The following RCHY1 variants were observed in gnomAD, a reference collection of about 807,000 sequenced individuals.
The protein encoded by RCHY1 is ring finger and CHY zinc finger domain containing 1.
RCHY1 carries 21 observed loss-of-function variants against 41.6 expected under a neutral mutation model. That is an observed-to-expected ratio of 0.51 (90% CI 0.36 to 0.73). The LOEUF (loss-of-function observed/expected upper bound fraction) is 0.73. Ranked by LOEUF, RCHY1 falls within the 30% of genes least tolerant of loss-of-function variation. RCHY1 has a pLI of 0.00. For missense variants in RCHY1, 265 were observed against 325.3 expected, an observed-to-expected ratio of 0.81 and a Z score of 1.43; for synonymous variants, 79 against 102.9, an observed-to-expected ratio of 0.77 and a Z score of 1.41.
intron 3 of RCHY1, 103 bp from the exon 4 acceptor site, chr4:75,494,282 C>T: frequency 1.3e-6 from 1 of 767,428 alleles, no homozygotes; most frequent in Non-Finnish European, 2.1e-6. Context: ...AAAAAATTTC[C>T]AGCCACAATG....
Position 75,479,925 on chromosome 4 carries a change from T to C in RCHY1, c.*2613A>G, listed in dbSNP as rs907226908. 6.6e-6 allele frequency: 1 copy of C among 152,120 alleles called. No homozygotes were observed. Among genetic ancestry groups the C allele is most frequent in the Non-Finnish European group, 1.5e-5 (1 of 68,008 alleles). The allele number at this position is 152,120 out of a possible 1,614,324, so 9.4% of individuals were successfully genotyped here. On this transcript the variant is annotated 3_prime_UTR_variant, in exon 9 of 9. Transcript: ENST00000324439. ...CAGTAGTTCTCTCTGAAAGAAGGGA[T>C]TGTTGAGAGTTTTTTACCTTCTTTC...
rs185674601 is a variant in RCHY1, at chr4:75,495,816, A to T, written c.327-1637T>A. Among the ~76,000 whole-genome samples, 24 of 152,162 alleles carry T rather than the reference A, an allele frequency of 1.6e-4. No individual in the cohort carries two copies. The East Asian group carries it at 4.4e-3, about 28-fold the overall frequency. On this transcript the variant is annotated intron_variant, in intron 3 of 8. Coordinates refer to ENST00000324439, the MANE Select transcript of RCHY1 (RefSeq NM_015436.4). ...GAGTCAATTTTTGGTTTCCGAATGG[A>T]TAATCAATTATCTTAATACTACCCT...
intron 3 of RCHY1, among the ~76,000 whole-genome samples, chr4:75,494,635 G>T (rs1723021238): frequency 6.6e-6 from 1 of 151,676 alleles, no homozygotes; most frequent in Admixed American, 6.6e-5. Flanking sequence ...ATGATCTTTA[G>T]TTGCTACAAT....
intron 3 of RCHY1, among the ~76,000 whole-genome samples, chr4:75,503,617 A>G (rs1395483215): frequency 1.3e-5 from 2 of 151,964 alleles, no homozygotes; most frequent in African/African-American, 2.4e-5. Context: ...GCTTGAACCC[A>G]GGAGGCAGAG....
chr4:75,505,983 T>G (rs1724259210), intron 3 of RCHY1, among the ~76,000 whole-genome samples: 1 of 151,760 alleles, frequency 6.6e-6, no homozygotes, highest in African/African-American at 2.4e-5. Context: ...ACTCCTATGC[T>G]AGGGGGCCAA....
intron 3 of RCHY1, among the ~76,000 whole-genome samples, chr4:75,505,988 G>A (rs1187984443): frequency 6.6e-6 from 1 of 151,778 alleles, no homozygotes; most frequent in African/African-American, 2.4e-5. Flanking sequence ...TATGCTAGGG[G>A]GCCAAAATTT....
intron 8 of RCHY1, among the ~76,000 whole-genome samples, chr4:75,487,810 T>C (rs1312127221): frequency 1.0e-5 from 1 of 97,690 alleles, no homozygotes; most frequent in Non-Finnish European, 1.9e-5. Flanking sequence ...TATATATTCA[T>C]AATATATATT....
chr4:75,514,395 C>A lies in RCHY1; in HGVS notation c.-109G>T, dbSNP rs918328418. ...CCCTCCCAGCCCCAGCGGCCACTAGCGACAATATGGCTCCTAAGCACGTGA... is the reference window on the plus strand; with the variant it reads ...CCCTCCCAGCCCCAGCGGCCACTAGAGACAATATGGCTCCTAAGCACGTGA... On this transcript the variant is annotated 5_prime_UTR_variant, in exon 1 of 9. Transcript: ENST00000324439. The A allele has an allele frequency of 7.1e-6, 9 of 1,276,250 alleles. No individual in the cohort carries two copies. The highest frequency in any genetic ancestry group is 8.5e-6 in the Non-Finnish European group (8 of 935,764). The allele number at this position is 1,276,250 out of a possible 1,614,324, so 79.1% of individuals were successfully genotyped here.
rs960511082 is a variant in RCHY1, at chr4:75,481,063, T to G, written c.*1475A>C. The G allele has an allele frequency of 2.0e-5, 3 of 152,254 alleles. No individual in the cohort carries two copies. The highest frequency in any genetic ancestry group is 2.9e-5 in the Non-Finnish European group (2 of 68,072). The allele number at this position is 152,254 out of a possible 1,614,324, so 9.4% of individuals were successfully genotyped here. A position where few individuals can be genotyped will look rare whatever the true frequency, so the allele number is the denominator to read the frequency against. On this transcript the variant is annotated 3_prime_UTR_variant, in exon 9 of 9. Transcript: ENST00000324439. ...AATTGGTAATACCCAGGAACATCCT[T>G]TCCCAAATGAAGATCAGCACTGCTG...
intron 7 of RCHY1, 96 bp downstream of exon 7, chr4:75,491,515 A>G (rs1384223241): frequency 5.5e-6 from 6 of 1,100,418 alleles, no homozygotes; most frequent in Non-Finnish European, 8.1e-6. Flanking sequence ...GCCATGCCCA[A>G]TATAGTATAA....
intron 3 of RCHY1, among the ~76,000 whole-genome samples, chr4:75,497,042 T>C (rs1723272516): frequency 6.6e-6 from 1 of 152,090 alleles, no homozygotes; most frequent in African/African-American, 2.4e-5. Flanking sequence ...AAAACTACAA[T>C]GTCTGAGATT....
chr4:75,507,566 G>A (rs1050769813), intron 3 of RCHY1, among the ~76,000 whole-genome samples: 25 of 151,950 alleles, frequency 1.6e-4, no homozygotes, highest in African/African-American at 5.8e-4. Flanking sequence ...AAACTGGATT[G>A]AAAAATTAAA....
intron 8 of RCHY1, among the ~76,000 whole-genome samples, chr4:75,487,580 ATATATATTCATAATATATATTCAT>A (rs1560512647): frequency 2.0e-3 from 34 of 17,006 alleles, no homozygotes; most frequent in Non-Finnish European, 2.4e-3. Context: ...ATATATTCAT[ATATATATTCATAATATATATTCAT>A]ATATATTCAT....
At chr4:75,507,757 C>T (rs1261322613) in intron 3 of RCHY1, among the ~76,000 whole-genome samples, 1 of 151,988 alleles carries the variant, frequency 6.6e-6, no homozygotes, top group Non-Finnish European at 1.5e-5. Flanking sequence ...ATAAATGGGT[C>T]AATCATACAG....
At chr4:75,502,322 C>T (rs529419238) in intron 3 of RCHY1, among the ~76,000 whole-genome samples, 14 of 152,026 alleles carry the variant, frequency 9.2e-5, no homozygotes, top group Non-Finnish European at 1.5e-4. Flanking sequence ...AGGTGGATCA[C>T]GAGGTCAGGA....
intron 3 of RCHY1, among the ~76,000 whole-genome samples, chr4:75,503,391 C>G (rs1485665175): frequency 6.6e-6 from 1 of 152,070 alleles, no homozygotes; most frequent in Non-Finnish European, 1.5e-5. Context: ...CAATATATTT[C>G]TAAGGACAAA....
intron 1 of RCHY1, among the ~76,000 whole-genome samples, chr4:75,512,908 G>C (rs972522373): frequency 3.5e-5 from 5 of 141,622 alleles, no homozygotes; most frequent in African/African-American, 5.1e-5. Context: ...TTTAAGGGGG[G>C]GGGGGGGGCG....
intron 8 of RCHY1, among the ~76,000 whole-genome samples, chr4:75,489,622 T>G (rs1014646811): frequency 5.3e-5 from 8 of 152,188 alleles, no homozygotes; most frequent in African/African-American, 1.9e-4. Flanking sequence ...AAATAATCAC[T>G]GGAAGGCCTG....
Position 75,509,195 on chromosome 4 carries a change from GT to G in RCHY1, c.191del (p.Asn64ThrfsTer57). 6.2e-7 allele frequency: 1 copy of G among 1,612,288 alleles called. No homozygotes were observed. The highest frequency in any genetic ancestry group is 8.5e-7 in the Non-Finnish European group (1 of 1,179,070). On this transcript the variant is annotated frameshift_variant, in exon 2 of 9. Transcript: ENST00000324439. LOFTEE classifies it high-confidence loss of function. ...RFKVKEVQCI[N>X]CEKIQHAQQT... is the part of the protein sequence containing the mutation. ...ATCTTACATGTTGAATTTTTTCACA[GT>G]TTATGCACTGCACTTCCTTCACTTT...
Sources: gnomAD v4.1 joint callset for allele counts (sites outside exome capture counted in the v4.1 genomes callset) on GRCh38, gnomAD v4.1.1 for gene constraint, MANE v1.5 for transcripts, NCBI Gene and HGNC (gene_info 2026-07-23, HGNC 2026-07-21) for gene names.